KPNA3: variants seen among roughly 807,000 people sequenced by gnomAD.
The protein encoded by KPNA3 is karyopherin subunit alpha 3, also known as importin subunit alpha-4.
KPNA3 carries 13 observed loss-of-function variants against 73.8 expected under a neutral mutation model. The ratio of observed to expected loss-of-function variants is 0.18; its 90% confidence interval spans 0.11 to 0.28. KPNA3 has a LOEUF of 0.28. Ranked by LOEUF, KPNA3 falls within the 10% of genes least tolerant of loss-of-function variation. The probability of loss-of-function intolerance (pLI) is 1.00; values close to 1 mark genes in which losing one functional copy is unlikely to be tolerated. For missense variants in KPNA3, 360 were observed against 618.1 expected (o/e 0.58, Z 4.43); for synonymous variants, 186 against 206.9 (o/e 0.90, Z 0.87).
intron 6 of KPNA3, among the ~76,000 whole-genome samples, chr13:49,727,846 G>A (rs1448341037): frequency 1.3e-5 from 2 of 152,134 alleles, no homozygotes; most frequent in Non-Finnish European, 2.9e-5. Context: ...TGAAGCTTGG[G>A]TGAAATAATG....
At chr13:49,768,726 T>C (rs371865791) in intron 1 of KPNA3, among the ~76,000 whole-genome samples, 191 of 152,272 alleles carry the variant, frequency 1.3e-3, no homozygotes, top group African/African-American at 4.5e-3. Context: ...ACCTACTAAA[T>C]GTCAAGAACC....
Position 49,722,830 on chromosome 13 carries a change from TAAAAA to T in KPNA3, c.470-272_470-268del, listed in dbSNP as rs10693298. Among the ~76,000 whole-genome samples, 69 of 79,638 alleles carry T rather than the reference TAAAAA, an allele frequency of 8.7e-4. No individual in the cohort carries two copies. The East Asian group carries it at 0.01, about 12-fold the overall frequency. The allele number at this position is 79,638 out of a possible 152,430, so 52.2% of individuals were successfully genotyped here. A position where few individuals can be genotyped will look rare whatever the true frequency, so the allele number is the denominator to read the frequency against. ...GCATGAAATCCTTCCTATAATCCAT[TAAAAA>T]AAAAAAAAAAAAAAAAAGAGTTCCT... On this transcript the variant is annotated intron_variant, in intron 7 of 16. Coordinates refer to ENST00000261667, the MANE Select transcript of KPNA3 (RefSeq NM_002267.4).
intron 1 of KPNA3, among the ~76,000 whole-genome samples, chr13:49,775,339 G>A (rs549882159): frequency 6.6e-6 from 1 of 151,700 alleles, no homozygotes; most frequent in African/African-American, 2.4e-5. Context: ...TATTTATACA[G>A]CATACTGAGA....
At chr13:49,734,905 A>ATG (rs1954505606) in intron 2 of KPNA3, among the ~76,000 whole-genome samples, 1 of 139,384 alleles carries the variant, frequency 7.2e-6, no homozygotes, top group Non-Finnish European at 1.6e-5. Flanking sequence ...GACTTTATAT[A>ATG]TATATATATA....
rs919758376 is a variant in KPNA3, at chr13:49,773,178, A to G, written c.69+19260T>C. Among the ~76,000 whole-genome samples the G allele has an allele frequency of 2.6e-5, 4 of 152,236 alleles. No homozygotes were observed. The South Asian group carries it at 6.2e-4, about 24-fold the overall frequency. ...TGGAAAAGGCAAGCTGATCAATGAA[A>G]GAAAGCAGATTAATATTTGCCTAAG... On this transcript the variant is annotated intron_variant, in intron 1 of 16. Transcript: ENST00000261667.
At chr13:49,746,064 GAAAAAAA>G (rs398022733) in intron 2 of KPNA3, among the ~76,000 whole-genome samples, 4 of 83,052 alleles carry the variant, frequency 4.8e-5, no homozygotes, top group Admixed American at 4.1e-4. Context: ...CTCTGCATCA[GAAAAAAA>G]AAAAAAAAAA....
chr13:49,754,593 A>C (rs1365770169), intron 1 of KPNA3, among the ~76,000 whole-genome samples: 2 of 149,142 alleles, frequency 1.3e-5, no homozygotes, highest in Non-Finnish European at 1.5e-5. Context: ...CAAAAAGTAG[A>C]GAAAATTAAT....
chr13:49,750,634 A>G (rs570106802), intron 1 of KPNA3, among the ~76,000 whole-genome samples: 36 of 145,642 alleles, frequency 2.5e-4, no homozygotes, highest in African/African-American at 7.0e-4. Flanking sequence ...CCTGCCTTGG[A>G]AAAAAAAAAA....
Position 49,705,717 on chromosome 13 carries a change from G to C in KPNA3, c.1276C>G (p.Gln426Glu). 6.2e-7 allele frequency: 1 copy of C among 1,614,054 alleles called. No homozygotes were observed. The highest frequency in any genetic ancestry group is 8.5e-7 in the Non-Finnish European group (1 of 1,179,920). ...FCNLLSVKDSQVVQVVLDGLK... is the reference protein window; with the variant it reads ...FCNLLSVKDSEVVQVVLDGLK... ...CCATCTAGAACCACCTGAACCACTT[G>C]AGAATCTTTCACTGACAGTAAATTA... The change falls in exon 15 of 17, where the codon CAA becomes GAA. Residue 426 changes from glutamine to glutamate, a missense_variant. By Grantham distance (29) the Gln-to-Glu change is conservative. Transcript: ENST00000261667.
chr13:49,778,538 A>G (rs1198620714), intron 1 of KPNA3, among the ~76,000 whole-genome samples: 1 of 152,176 alleles, frequency 6.6e-6, no homozygotes, highest in African/African-American at 2.4e-5. Context: ...AAATTACACA[A>G]ACGACCATAA....
At chr13:49,747,017 C>T (rs1411940238) in intron 1 of KPNA3, 24 bp from the exon 2 acceptor site, 1 of 1,568,424 alleles carries the variant, frequency 6.4e-7, no homozygotes, top group African/African-American at 1.3e-5. Context: ...ACAAAGATTA[C>T]AGATGTATCA....
intron 1 of KPNA3, among the ~76,000 whole-genome samples, chr13:49,772,630 C>T (rs747585035): frequency 6.6e-6 from 1 of 152,038 alleles, no homozygotes; most frequent in Non-Finnish European, 1.5e-5. Context: ...TGGTGAAACC[C>T]CATCTCTACT....
chr13:49,751,213 A>G (rs917769696), intron 1 of KPNA3, among the ~76,000 whole-genome samples: 1 of 152,058 alleles, frequency 6.6e-6, no homozygotes, highest in African/African-American at 2.4e-5. Flanking sequence ...AAGATCCCCC[A>G]CATCTCCTCT....
At chr13:49,738,673 T>G (rs1029626867) in intron 2 of KPNA3, among the ~76,000 whole-genome samples, 2 of 152,266 alleles carry the variant, frequency 1.3e-5, no homozygotes, top group Non-Finnish European at 2.9e-5. Flanking sequence ...TAAATGCGAC[T>G]GATTTCTTTA....
At chr13:49,749,023 G>A (rs1954640783) in intron 1 of KPNA3, among the ~76,000 whole-genome samples, 1 of 151,946 alleles carries the variant, frequency 6.6e-6, no homozygotes, top group Non-Finnish European at 1.5e-5. Context: ...TCCTATAACT[G>A]AAAAGAAAAA....
At chr13:49,706,407 G>T in intron 12 of KPNA3, 35 bp from the exon 13 acceptor site, 3 of 1,344,126 alleles carry the variant, frequency 2.2e-6, no homozygotes, top group Non-Finnish European at 3.2e-6. Flanking sequence ...ACCTTTATTT[G>T]AAAAATAATA....
intron 1 of KPNA3, among the ~76,000 whole-genome samples, chr13:49,760,736 G>A (rs1027605318): frequency 6.6e-6 from 1 of 152,190 alleles, no homozygotes; most frequent in Non-Finnish European, 1.5e-5. Flanking sequence ...TGATTAGAAT[G>A]ACTGGGCTGT....
chr13:49,741,915 AT>A (rs1254800533), intron 2 of KPNA3, among the ~76,000 whole-genome samples: 1 of 152,046 alleles, frequency 6.6e-6, no homozygotes, highest in Non-Finnish European at 1.5e-5. Context: ...GCATCTGTCT[AT>A]TTTTGTTTTG....
At chr13:49,702,557 A>G (rs1566329815) in intron 15 of KPNA3, 77 bp from the exon 16 acceptor site, 1 of 723,586 alleles carries the variant, frequency 1.4e-6, no homozygotes, top group Admixed American at 3.0e-5. Context: ...CATTTTAATC[A>G]TGGAGAAATC....
Sources: gnomAD v4.1 joint callset for allele counts (sites outside exome capture counted in the v4.1 genomes callset) on GRCh38, gnomAD v4.1.1 for gene constraint, MANE v1.5 for transcripts, NCBI Gene and HGNC (gene_info 2026-07-23, HGNC 2026-07-21) for gene names.